ANO4: variants seen among roughly 807,000 people sequenced by gnomAD.
ANO4 encodes anoctamin-4.
In ANO4, 69 loss-of-function variants were observed where a neutral mutation model predicts 141.9. The ratio of observed to expected loss-of-function variants is 0.49; its 90% CI spans 0.40 to 0.59. ANO4 has a LOEUF of 0.59. Among genes scored for constraint, ANO4 ranks in the 20% least tolerant of loss-of-function variants. The probability of loss-of-function intolerance (pLI) is 0.00; values close to 1 mark genes in which losing one functional copy is unlikely to be tolerated. For synonymous variants in ANO4, 350 were observed against 394.3 expected (o/e 0.89, Z 1.33); for missense variants, 894 against 1,162.2 (o/e 0.77, Z 3.36).
intron 1 of ANO4, among the ~76,000 whole-genome samples, chr12:100,876,477 C>T (rs1254922353): frequency 6.6e-6 from 1 of 152,014 alleles, no homozygotes; most frequent in Non-Finnish European, 1.5e-5. Context: ...TGTGCTGAGT[C>T]AAAGCATGTT....
At chr12:100,798,489 T>C (rs146439957) in intron 1 of ANO4, among the ~76,000 whole-genome samples, 188 of 152,308 alleles carry the variant, frequency 1.2e-3, no homozygotes, top group African/African-American at 3.0e-3. Context: ...ATAGGAGAAA[T>C]GCTTCATGAG....
At chr12:100,733,677 G>C in intron 1 of ANO4, 2 of 617,248 alleles carry the variant, frequency 3.2e-6, no homozygotes, top group Non-Finnish European at 5.8e-6. Context: ...CATAGACAAG[G>C]AGAGCTGGTT....
At chr12:101,050,769 G>T (rs536425701) in intron 14 of ANO4, among the ~76,000 whole-genome samples, 1 of 152,274 alleles carries the variant, frequency 6.6e-6, no homozygotes, top group Non-Finnish European at 1.5e-5. Flanking sequence ...TGTACATGGA[G>T]GAGCCTCCTC....
In ANO4 at chr12:101,066,660, A is replaced by G. The variant is rs116706557; in HGVS notation, c.1313-12533A>G. 2,195 of 611,414 alleles carry G rather than the reference A, an allele frequency of 3.6e-3. 38 individuals are homozygous for G. The African/African-American group carries it at 0.037, about 10-fold the overall frequency. 37.9% of individuals were successfully genotyped at this position (611,414 alleles called of 1,614,324 possible). A position where few individuals can be genotyped will look rare whatever the true frequency, so the allele number is the denominator to read the frequency against. ...GTATCCATGGCTTTGCGTCCCCATC[A>G]TGGCCCTGCGGTCGGCGGCCTCCTC... On this transcript the variant is annotated intron_variant, in intron 14 of 27. Transcript: ENST00000392977.
At chr12:101,064,531 G>A (rs2048489360) in intron 14 of ANO4, among the ~76,000 whole-genome samples, 1 of 152,096 alleles carries the variant, frequency 6.6e-6, no homozygotes, top group Non-Finnish European at 1.5e-5. Context: ...TGGGAGGCTA[G>A]GGAAGGGATA....
At chr12:100,971,056 AT>A (rs755574869) in intron 5 of ANO4, among the ~76,000 whole-genome samples, 1 of 152,058 alleles carries the variant, frequency 6.6e-6, no homozygotes, top group African/African-American at 2.4e-5. Flanking sequence ...CTTCTTTAAC[AT>A]TTTTGTAGAA....
At chr12:100,841,432 A>G (rs2037241195) in intron 1 of ANO4, among the ~76,000 whole-genome samples, 1 of 152,166 alleles carries the variant, frequency 6.6e-6, no homozygotes, top group Non-Finnish European at 1.5e-5. Context: ...CTCGTATTCT[A>G]ATGGGTAAGA....
intron 1 of ANO4, among the ~76,000 whole-genome samples, chr12:100,803,284 T>G (rs139173353): frequency 3.4e-4 from 51 of 151,882 alleles, no homozygotes; most frequent in African/African-American, 1.1e-3. Flanking sequence ...GAGACGGGAG[T>G]GAATTAGAAA....
intron 6 of ANO4, among the ~76,000 whole-genome samples, chr12:100,972,216 A>G (rs932923116): frequency 1.6e-4 from 24 of 152,262 alleles, no homozygotes; most frequent in African/African-American, 4.8e-4. Context: ...CAGTAAGACC[A>G]CATTAGGTGA....
chr12:100,735,636 G>T (rs909645688), intron 2 of ANO4, among the ~76,000 whole-genome samples: 4 of 152,088 alleles, frequency 2.6e-5, no homozygotes, highest in Non-Finnish European at 2.9e-5. Context: ...GCGGGTCTAG[G>T]GGGAGAGGGA....
chr12:101,107,256 C>A (rs1430923277), intron 22 of ANO4, among the ~76,000 whole-genome samples: 2 of 152,068 alleles, frequency 1.3e-5, no homozygotes, highest in Admixed American at 6.6e-5. Flanking sequence ...AGTCATTGAA[C>A]CAGCATTATT....
intron 8 of ANO4, among the ~76,000 whole-genome samples, chr12:101,010,743 A>G (rs1443454360): frequency 3.3e-5 from 5 of 152,226 alleles, no homozygotes; most frequent in African/African-American, 1.2e-4. Flanking sequence ...GTTTCCTGAA[A>G]TATTTATTTT....
chr12:100,955,992 C>T (rs868689714), intron 5 of ANO4, among the ~76,000 whole-genome samples: 1 of 152,200 alleles, frequency 6.6e-6, no homozygotes. Context: ...ATCATGTCAT[C>T]TTGACTTTCA....
Position 101,121,454 on chromosome 12 carries a change from A to G in ANO4, c.2676+829A>G, listed in dbSNP as rs138379825. On this transcript the variant is annotated intron_variant, in intron 26 of 27. Coordinates refer to ENST00000392977, the MANE Select transcript of ANO4 (RefSeq NM_001286615.2). ...CCACATAGTATTCCATGGTGTATACATACCACATTTTCTCTATCTGGTCCA... is the reference window on the plus strand; with the variant it reads ...CCACATAGTATTCCATGGTGTATACGTACCACATTTTCTCTATCTGGTCCA... Among the ~76,000 whole-genome samples the G allele has an allele frequency of 5.1e-3, 771 of 152,316 alleles. 8 individuals are homozygous for G. The highest frequency in any genetic ancestry group is 0.017 in the African/African-American group (711 of 41,568).
At chr12:101,018,666 C>T (rs971552001) in intron 8 of ANO4, among the ~76,000 whole-genome samples, 19 of 152,086 alleles carry the variant, frequency 1.2e-4, no homozygotes, top group African/African-American at 4.6e-4. Context: ...CATAAATTAC[C>T]ATGACCCTCA....
chr12:100,933,530 T>A (rs1592757940), intron 3 of ANO4, among the ~76,000 whole-genome samples: 1 of 152,234 alleles, frequency 6.6e-6, no homozygotes, highest in South Asian at 2.1e-4. Context: ...TGATGGACAT[T>A]TGGGTTGGTT....
intron 8 of ANO4, among the ~76,000 whole-genome samples, chr12:100,997,935 CT>C (rs5800448): frequency 0.077 from 11,670 of 152,232 alleles, 535 homozygotes; most frequent in South Asian, 0.15. Flanking sequence ...GAAGACTTAA[CT>C]GCTCATGGCC....
intron 2 of ANO4, among the ~76,000 whole-genome samples, chr12:100,908,742 G>A (rs774253956): frequency 2.9e-4 from 44 of 152,116 alleles, no homozygotes; most frequent in Admixed American, 4.6e-4. Context: ...GGCCTATTAA[G>A]TCATCCATCT....
At chr12:101,024,714 C>G (rs974583228) in intron 9 of ANO4, among the ~76,000 whole-genome samples, 1 of 152,026 alleles carries the variant, frequency 6.6e-6, no homozygotes, top group South Asian at 2.1e-4. Flanking sequence ...AATAGAGACT[C>G]CAGGGAATCA....
Sources: allele counts gnomAD v4.1 joint callset (sites outside exome capture counted in the v4.1 genomes callset), GRCh38; gene constraint gnomAD v4.1.1; transcripts MANE v1.5; gene names NCBI Gene and HGNC (gene_info 2026-07-23, HGNC 2026-07-21).